Variants in STK4 observed in about 807,000 individuals in gnomAD.
The protein encoded by STK4 is serine/threonine-protein kinase 4.
STK4 carries 30 observed loss-of-function variants against 64.9 expected under a neutral mutation model. That is an observed-to-expected ratio of 0.46 (90% CI 0.35 to 0.63). STK4 has a LOEUF of 0.63. Among genes scored for constraint, STK4 ranks in the 20% least tolerant of loss-of-function variants. The pLI is 0.01. For missense variants in STK4, 466 were observed against 598.5 expected, an observed-to-expected ratio of 0.78 and a Z score of 2.31; for synonymous variants, 177 against 199.0, an observed-to-expected ratio of 0.89 and a Z score of 0.93.
At chr20:45,020,453 TG>T (rs2068224185) in intron 9 of STK4, among the ~76,000 whole-genome samples, 1 of 127,132 alleles carries the variant, frequency 7.9e-6, no homozygotes, top group African/African-American at 3.4e-5. Flanking sequence ...TGTGTGTGTG[TG>T]TGTGTGTGTG....
intron 9 of STK4, among the ~76,000 whole-genome samples, chr20:45,010,814 C>T (rs1000109848): frequency 6.6e-6 from 1 of 152,150 alleles, no homozygotes; most frequent in Non-Finnish European, 1.5e-5. Flanking sequence ...ACCAGTTACT[C>T]TACATATGTC....
intron 10 of STK4, among the ~76,000 whole-genome samples, chr20:45,070,068 A>G (rs1345578239): frequency 6.6e-6 from 1 of 152,202 alleles, no homozygotes; most frequent in Non-Finnish European, 1.5e-5. Context: ...CAGAAGATTC[A>G]TTAACTCTGT....
chr20:44,977,301 T>G (rs1382497583), intron 2 of STK4, among the ~76,000 whole-genome samples: 1 of 152,264 alleles, frequency 6.6e-6, no homozygotes, highest in Non-Finnish European at 1.5e-5. Flanking sequence ...TTTATGTTAC[T>G]TTCACATTGA....
intron 9 of STK4, among the ~76,000 whole-genome samples, chr20:45,023,226 TAGTG>T (rs1377831148): frequency 1.3e-5 from 2 of 152,138 alleles, no homozygotes; most frequent in Non-Finnish European, 2.9e-5. Flanking sequence ...AATTCTTAAT[TAGTG>T]AGGAGAAAAC....
intron 10 of STK4, among the ~76,000 whole-genome samples, chr20:45,037,114 C>T (rs962201613): frequency 6.6e-6 from 1 of 152,060 alleles, no homozygotes; most frequent in Admixed American, 6.6e-5. Flanking sequence ...GGTAAGTTCT[C>T]TCCATAAAGT....
At chr20:45,020,369 T>C (rs1237978532) in intron 9 of STK4, among the ~76,000 whole-genome samples, 1 of 152,128 alleles carries the variant, frequency 6.6e-6, no homozygotes, top group Non-Finnish European at 1.5e-5. Context: ...TAGTGAATGT[T>C]AGTTAAATTT....
At chr20:45,034,801 C>T (rs191049123) in intron 10 of STK4, among the ~76,000 whole-genome samples, 18 of 152,136 alleles carry the variant, frequency 1.2e-4, no homozygotes, top group Admixed American at 1.1e-3. Context: ...CCTATAATCT[C>T]AGCTACTTGA....
chr20:45,010,925 A>T (rs1255549883), intron 9 of STK4, among the ~76,000 whole-genome samples: 1 of 152,188 alleles, frequency 6.6e-6, no homozygotes, highest in Non-Finnish European at 1.5e-5. Flanking sequence ...TTTTGGATGT[A>T]TGTATCTGAA....
intron 3 of STK4, among the ~76,000 whole-genome samples, chr20:44,978,840 C>T (rs530145966): frequency 3.3e-5 from 5 of 150,524 alleles, no homozygotes; most frequent in Non-Finnish European, 7.4e-5. Context: ...GCTCTGTCGC[C>T]CAGGCTGGGG....
At chr20:45,026,964 A>G (rs1268026867) in intron 10 of STK4, among the ~76,000 whole-genome samples, 1 of 152,182 alleles carries the variant, frequency 6.6e-6, no homozygotes, top group African/African-American at 2.4e-5. Flanking sequence ...TTGCCTGTAT[A>G]GTTGTCTTCA....
At chr20:45,047,401 C>G (rs1214347212) in intron 10 of STK4, among the ~76,000 whole-genome samples, 1 of 152,200 alleles carries the variant, frequency 6.6e-6, no homozygotes, top group Non-Finnish European at 1.5e-5. Flanking sequence ...CGATGGTAAA[C>G]ATTCATCTAA....
At chr20:45,029,722 G>A (rs544552396) in intron 10 of STK4, among the ~76,000 whole-genome samples, 2 of 152,314 alleles carry the variant, frequency 1.3e-5, no homozygotes, top group Non-Finnish European at 2.9e-5. Flanking sequence ...TCTGGGGACA[G>A]CACCCATTGA....
intron 2 of STK4, among the ~76,000 whole-genome samples, chr20:44,973,790 T>A (rs1601177780): frequency 6.6e-6 from 1 of 152,108 alleles, no homozygotes; most frequent in Non-Finnish European, 1.5e-5. Context: ...ATTCATAGAG[T>A]TGTGTTATTA....
chr20:45,070,077 G>C (rs1407578484), intron 10 of STK4, among the ~76,000 whole-genome samples: 1 of 152,198 alleles, frequency 6.6e-6, no homozygotes, highest in Admixed American at 6.5e-5. Context: ...CATTAACTCT[G>C]TAGGCCACTG....
At chr20:44,978,024 A>C (rs980652149) in intron 2 of STK4, among the ~76,000 whole-genome samples, 1 of 152,216 alleles carries the variant, frequency 6.6e-6, no homozygotes. Context: ...AACTGGTTTC[A>C]AATCCTGGAC....
At chr20:44,983,217 T>C (rs774155740) in intron 4 of STK4, among the ~76,000 whole-genome samples, 14 of 152,176 alleles carry the variant, frequency 9.2e-5, no homozygotes, top group Non-Finnish European at 1.6e-4. Context: ...TTGCAGGTCA[T>C]GGGAATGAGT....
chr20:45,001,873 C>G (rs1482110189), intron 9 of STK4, among the ~76,000 whole-genome samples: 1 of 152,110 alleles, frequency 6.6e-6, no homozygotes, highest in Non-Finnish European at 1.5e-5. Flanking sequence ...CTGGCTGATC[C>G]TTTTTTGCCT....
intron 4 of STK4, 67 bp from the exon 5 acceptor site, chr20:44,987,064 AT>A: frequency 7.4e-7 from 1 of 1,357,430 alleles, no homozygotes; most frequent in Non-Finnish European, 1.0e-6. Flanking sequence ...TTTGGATCTG[AT>A]TTTTTCTCCT....
chr20:45,014,076 A>G (rs2068098848), intron 9 of STK4, among the ~76,000 whole-genome samples: 1 of 152,102 alleles, frequency 6.6e-6, no homozygotes, highest in African/African-American at 2.4e-5. Context: ...AAAGCAGAAG[A>G]ATTTCTTCTG....
Sources: gnomAD v4.1 joint callset for allele counts (sites outside exome capture counted in the v4.1 genomes callset) on GRCh38, gnomAD v4.1.1 for gene constraint, MANE v1.5 for transcripts, NCBI Gene and HGNC (gene_info 2026-07-23, HGNC 2026-07-21) for gene names.